GPAM: variants seen among roughly 807,000 people sequenced by gnomAD.
The protein encoded by GPAM is glycerol-3-phosphate acyltransferase 1, mitochondrial.
GPAM carries 56 observed loss-of-function variants against 105.0 expected under a neutral mutation model. That is an observed-to-expected ratio of 0.53 (90% CI 0.43 to 0.67). The LOEUF is 0.67. Ranked by LOEUF, GPAM falls within the 30% of genes least tolerant of loss-of-function variation. The pLI, the probability that GPAM is intolerant of heterozygous loss-of-function variation, is 0.00. For missense variants in GPAM, 855 were observed against 989.8 expected, an observed-to-expected ratio of 0.86 and a Z score of 1.83; for synonymous variants, 368 against 354.4, an observed-to-expected ratio of 1.04 and a Z score of -0.43.
chr10:112,195,149 T>C (rs1489546741), intron 1 of GPAM, among the ~76,000 whole-genome samples: 1 of 151,780 alleles, frequency 6.6e-6, no homozygotes, highest in East Asian at 1.9e-4. Flanking sequence ...CCATGCCAAA[T>C]ACCCCCATAC....
At chr10:112,197,493 T>G (rs192447352) in intron 1 of GPAM, among the ~76,000 whole-genome samples, 12 of 151,792 alleles carry the variant, frequency 7.9e-5, no homozygotes, top group Non-Finnish European at 1.5e-4. Context: ...TTTTTATTTA[T>G]TTTTTTATTA....
chr10:112,153,678 G>A lies in GPAM; in HGVS notation c.2371-12C>T. The A allele has an allele frequency of 6.2e-7, 1 of 1,607,260 alleles. No homozygotes were observed. The highest frequency in any genetic ancestry group is 8.5e-7 in the Non-Finnish European group (1 of 1,174,760). ...GTCTCCTTGAAAACCTAAAGAAAAG[G>A]TTTAGATTAAATTAAAGGCAAAAAA... On this transcript the variant is annotated splice_polypyrimidine_tract_variant and intron_variant, in intron 21 of 21. Coordinates refer to ENST00000348367, the MANE Select transcript of GPAM (RefSeq NM_001244949.2).
chr10:112,160,448 A>G (rs1006362842), intron 16 of GPAM, 156 bp downstream of exon 16: 3 of 685,304 alleles, frequency 4.4e-6, no homozygotes, highest in Non-Finnish European at 5.4e-6. Flanking sequence ...AAACAGTGAT[A>G]TAACAGGAGA....
chr10:112,199,119 G>A lies in GPAM; in HGVS notation n.210+16049C>T, dbSNP rs561524823. Among the ~76,000 whole-genome samples the A allele has an allele frequency of 5.9e-5, 9 of 151,474 alleles. No homozygotes were observed. In the East Asian group the frequency reaches 1.6e-3, roughly 26 times the overall value. On this transcript the variant is annotated intron_variant and non_coding_transcript_variant, in intron 1 of 3. Transcript: ENST00000480130. ...TGTGTGTGTGTGTGTGTGTGTGTGT[G>A]TGTGTGTGTGTATTTTAGTAGAGAT...
chr10:112,210,611 C>T (rs1847900470), intron 1 of GPAM, among the ~76,000 whole-genome samples: 1 of 152,134 alleles, frequency 6.6e-6, no homozygotes, highest in South Asian at 2.1e-4. Context: ...AGGGGACAGC[C>T]CCCCTCAACC....
intron 19 of GPAM, chr10:112,156,919 G>C: frequency 2.0e-6 from 1 of 489,520 alleles, no homozygotes; most frequent in East Asian, 3.4e-5. Flanking sequence ...GAGCAGCCAG[G>C]TCAGTGGCAG....
chr10:112,160,468 C>T (rs1847102044), intron 16 of GPAM, 136 bp downstream of exon 16: 13 of 1,200,630 alleles, frequency 1.1e-5, no homozygotes, highest in Admixed American at 6.8e-5. Flanking sequence ...ATTACATTTT[C>T]GTTTGAAAAC....
chr10:112,173,328 T>C lies in GPAM; in HGVS notation c.561-262A>G, dbSNP rs148223878. 6.4e-3 allele frequency among the ~76,000 whole-genome samples: 969 copies of C among 152,278 alleles called. 8 individuals are homozygous for C. Among genetic ancestry groups the C allele is most frequent in the African/African-American group, 0.022 (907 of 41,576 alleles). On this transcript the variant is annotated intron_variant, in intron 7 of 21. Coordinates refer to ENST00000348367, the MANE Select transcript of GPAM (RefSeq NM_001244949.2). ...CATAGTTCACTCTAATAACATTTTA[T>C]ACTGCAGAAGCAAATGACCAAGGCG...
the GPAM span, among the ~76,000 whole-genome samples, chr10:112,225,406 T>C: frequency 9.2e-5 from 14 of 152,296 alleles, no homozygotes; most frequent in Non-Finnish European, 2.1e-4. Flanking sequence ...ACTGAGTACC[T>C]AGTCTGGGTG....
intron 12 of GPAM, 50 bp from the exon 13 acceptor site, chr10:112,164,660 A>G (rs1442282003): frequency 2.1e-6 from 2 of 950,682 alleles, no homozygotes; most frequent in Non-Finnish European, 3.5e-6. Flanking sequence ...TCGCACCAAC[A>G]TATAAAATGT....
At chr10:112,177,045 A>C (rs1847419146) in intron 5 of GPAM, among the ~76,000 whole-genome samples, 1 of 152,210 alleles carries the variant, frequency 6.6e-6, no homozygotes, top group East Asian at 1.9e-4. Context: ...TTATCAAAAA[A>C]AATTCAACGG....
intron 1 of GPAM, among the ~76,000 whole-genome samples, chr10:112,198,001 C>T (rs1847745933): frequency 6.6e-6 from 1 of 152,112 alleles, no homozygotes; most frequent in African/African-American, 2.4e-5. Flanking sequence ...TTACACTGTC[C>T]ACAATTGTGA....
At chr10:112,184,106 G>C (rs1379742020), upstream of GPAM, among the ~76,000 whole-genome samples, 1 of 152,154 alleles carries the variant, frequency 6.6e-6, no homozygotes, top group Non-Finnish European at 1.5e-5. Flanking sequence ...TATGAGATCT[G>C]TAAGACTATG....
chr10:112,215,277 G>T (rs1847956304), exon 1 of GPAM: 2 of 152,226 alleles, frequency 1.3e-5, no homozygotes, highest in South Asian at 2.1e-4. Flanking sequence ...AATAAGCAAG[G>T]TCTGGTTCCT....
intron 1 of GPAM, among the ~76,000 whole-genome samples, chr10:112,202,537 C>T (rs552507767): frequency 8.5e-5 from 13 of 152,304 alleles, no homozygotes; most frequent in Admixed American, 4.6e-4. Flanking sequence ...AACCTTTTGA[C>T]TGAATTATAA....
At chr10:112,191,827 G>A (rs527748559) in intron 1 of GPAM, among the ~76,000 whole-genome samples, 67 of 152,320 alleles carry the variant, frequency 4.4e-4, no homozygotes, top group South Asian at 2.3e-3. Context: ...CAGGACTCAG[G>A]GGTCTGATGG....
At position 112,164,597 on chromosome 10, in the gene GPAM, CT is replaced by C; in HGVS notation, c.1234del (p.Ser412AlafsTer53). 1.9e-6 allele frequency: 3 copies of C among 1,593,614 alleles called. No homozygotes were observed. Among genetic ancestry groups the C allele is most frequent in the Non-Finnish European group, 2.6e-6 (3 of 1,161,528 alleles). On this transcript the variant is annotated frameshift_variant, in exon 13 of 22. Transcript: ENST00000348367. LOFTEE classifies it high-confidence loss of function. ...QPFSLKEYLE[S>X]QSQKPVSALL... ...AGCAGACACCGGTTTCTGACTTTGG[CT>C]TTCTAAATATTCCTGGAGAAAAAAA...
rs1187671331 is a variant in GPAM, at chr10:112,155,921, G to C, written c.2254C>G (p.Leu752Val). Residue 752 changes from leucine (L) to valine (V), a missense_variant, in exon 20 of 22, where the codon CTG becomes GTG. Transcript: ENST00000348367. ...ATTAGGTATTTGTGCAACTTTTGCA[G>C]ATACTCAGGTTCTGGAACAGGACCA... Reference protein sequence around the residue: ...FSGPVPEPEYLQKLHKYLITR... With the variant: ...FSGPVPEPEYVQKLHKYLITR... 7 of 1,612,306 alleles carry C rather than the reference G, an allele frequency of 4.3e-6. No individual in the cohort carries two copies. The Admixed American group carries it at 1.0e-4, about 23-fold the overall frequency.
Position 112,153,592 on chromosome 10 carries a change from T to TC in GPAM, c.2444dup (p.Gln816ThrfsTer28). The TC allele has an allele frequency of 6.2e-7, 1 of 1,614,086 alleles. No homozygotes were observed. Among genetic ancestry groups the TC allele is most frequent in the East Asian group, 2.2e-5 (1 of 44,888 alleles). ...TCAGAATATATTCTAGAAGTTTTTG[T>TC]CGGTTGCATTGAGGTAGAAAAGTGC... On this transcript the variant is annotated frameshift_variant, in exon 22 of 22. Coordinates refer to ENST00000348367, the MANE Select transcript of GPAM (RefSeq NM_001244949.2). LOFTEE classifies it high-confidence loss of function.
Sources: allele counts gnomAD v4.1 joint callset (sites outside exome capture counted in the v4.1 genomes callset), GRCh38; gene constraint gnomAD v4.1.1; transcripts MANE v1.5; gene names NCBI Gene and HGNC (gene_info 2026-07-23, HGNC 2026-07-21).